CCDC141: variants seen among roughly 807,000 people sequenced by gnomAD.
The protein encoded by CCDC141 is coiled-coil domain containing 141.
Under a neutral mutation model 181.0 loss-of-function variants are expected in CCDC141, and 168 were observed. That is an observed-to-expected ratio of 0.93 (90% CI 0.82 to 1.05). The LOEUF is 1.05. Ranked by LOEUF, CCDC141 falls within the 50% of genes least tolerant of loss-of-function variation. The pLI is 0.00. For synonymous variants in CCDC141, 666 were observed against 642.3 expected (o/e 1.04, Z -0.56); for missense variants, 1,902 against 1,788.5 (o/e 1.06, Z -1.14).
Position 178,837,487 on chromosome 2 carries a change from A to C in CCDC141, c.3732T>G (p.Leu1244=). Residue 1244 remains leucine (L), a synonymous_variant, in exon 23 of 24, where the codon CTT becomes CTG. Coordinates refer to ENST00000443758, the MANE Select transcript of CCDC141 (RefSeq NM_173648.4). ...VEEPVSSSLS[L]HISSYGVQAG... is the part of the protein sequence containing the mutation. The stretch of plus-strand genomic sequence containing the variant: ...CCTGCACCCCATAGCTGCTTATGTG[A>C]AGGCTGAGGGAGGAGCTGACAGGCT... 6.2e-7 allele frequency: 1 copy of C among 1,614,014 alleles called. No individual in the cohort carries two copies.
Position 178,837,624 on chromosome 2 carries a change from C to A in CCDC141, c.3595G>T (p.Asp1199Tyr). 6.2e-7 allele frequency: 1 copy of A among 1,614,024 alleles called. No homozygotes were observed. The highest frequency in any genetic ancestry group is 8.5e-7 in the Non-Finnish European group (1 of 1,179,936). Reference sequence around the variant, plus strand: ...TCATATTCTTCCCCTGAGAGCATGTCTTCAGGCAGGAGCAGGTCCTGGACG... The same window carrying A: ...TCATATTCTTCCCCTGAGAGCATGTATTCAGGCAGGAGCAGGTCCTGGACG... ...GGVQDLLLPE[D>Y]MLSGEEYECV... The change falls in exon 23 of 24, where the codon GAC (aspartate) becomes TAC (tyrosine). Residue 1199 changes from aspartate to tyrosine, a missense_variant. Coordinates refer to ENST00000443758, the MANE Select transcript of CCDC141 (RefSeq NM_173648.4).
chr2:178,978,455 G>A, intron 3 of CCDC141, 29 bp downstream of exon 3: 1 of 1,348,348 alleles, frequency 7.4e-7, no homozygotes, highest in Non-Finnish European at 9.7e-7. Flanking sequence ...TCTGATGTGG[G>A]GAAGGGAGAA....
intron 9 of CCDC141, among the ~76,000 whole-genome samples, chr2:178,887,478 C>A (rs116278869): frequency 6.6e-6 from 1 of 152,142 alleles, no homozygotes; most frequent in African/African-American, 2.4e-5. Flanking sequence ...TTTGTCCCCT[C>A]GCTCTAACTC....
chr2:179,036,412 T>C (rs1281121959), intron 2 of CCDC141, among the ~76,000 whole-genome samples: 1 of 152,180 alleles, frequency 6.6e-6, no homozygotes, highest in Non-Finnish European at 1.5e-5. Flanking sequence ...ATGTCTCACA[T>C]CCACTTGTGA....
intron 17 of CCDC141, 84 bp from the exon 18 acceptor site, chr2:178,856,481 T>C: frequency 1.0e-6 from 1 of 959,658 alleles, no homozygotes; most frequent in Non-Finnish European, 1.5e-6. Flanking sequence ...ATCTGAACAC[T>C]TCAAAATACT....
intron 7 of CCDC141, among the ~76,000 whole-genome samples, chr2:178,917,683 A>G (rs1279831218): frequency 6.6e-6 from 1 of 152,242 alleles, no homozygotes. Flanking sequence ...TTCAAATAAG[A>G]TCACCAGCCT....
chr2:178,887,229 G>A (rs1686927894), intron 9 of CCDC141, among the ~76,000 whole-genome samples: 1 of 152,150 alleles, frequency 6.6e-6, no homozygotes, highest in South Asian at 2.1e-4. Context: ...TCTGTGAGTT[G>A]AATAGGACCC....
chr2:178,911,293 C>T (rs544603640), intron 7 of CCDC141, among the ~76,000 whole-genome samples: 13 of 152,274 alleles, frequency 8.5e-5, no homozygotes, highest in African/African-American at 2.4e-4. Context: ...GCTGTAGCCA[C>T]GTATTAACTT....
At position 179,020,163 on chromosome 2, in the gene CCDC141, A is replaced by G. The variant is rs181521406; in HGVS notation, c.225+27121T>C. 1.2e-4 allele frequency among the ~76,000 whole-genome samples: 19 copies of G among 152,268 alleles called. No homozygotes were observed. In the East Asian group the frequency reaches 3.7e-3, roughly 29 times the overall value. ...ATCCAAAAAGTTCCATAGAACGGGC[A>G]TGTGTATTTCAAATACAGGTGTGTG... On this transcript the variant is annotated intron_variant, in intron 2 of 23. Coordinates refer to ENST00000443758, the MANE Select transcript of CCDC141 (RefSeq NM_173648.4).
At chr2:178,976,264 A>G (rs997085215) in intron 3 of CCDC141, among the ~76,000 whole-genome samples, 15 of 152,186 alleles carry the variant, frequency 9.9e-5, no homozygotes, top group Admixed American at 7.2e-4. Flanking sequence ...TGGGTTTAGA[A>G]TAAACTAATT....
chr2:178,982,314 T>C (rs969682501), intron 2 of CCDC141, among the ~76,000 whole-genome samples: 4 of 151,916 alleles, frequency 2.6e-5, no homozygotes, highest in Admixed American at 1.3e-4. Flanking sequence ...TATAAAGAAA[T>C]GAACAATCTA....
chr2:178,931,113 A>G (rs1283132033), intron 6 of CCDC141, among the ~76,000 whole-genome samples: 1 of 152,210 alleles, frequency 6.6e-6, no homozygotes, highest in Non-Finnish European at 1.5e-5. Context: ...AAGAATCACA[A>G]TGAACTAGCA....
At chr2:178,834,914 G>A (rs1341995450) in intron 23 of CCDC141, among the ~76,000 whole-genome samples, 1 of 151,448 alleles carries the variant, frequency 6.6e-6, no homozygotes, top group African/African-American at 2.4e-5. Context: ...TGCTTTGACT[G>A]GCTCAGACAA....
chr2:178,946,756 T>A lies in CCDC141; in HGVS notation c.781-2105A>T, dbSNP rs574810894. ...TTTTAAACGGTATCTACTGACCTCATCTTCTAGATTTGGCATATACTATTT... is the reference window on the plus strand; with the variant it reads ...TTTTAAACGGTATCTACTGACCTCAACTTCTAGATTTGGCATATACTATTT... On this transcript the variant is annotated intron_variant, in intron 5 of 23. Transcript: ENST00000443758. 8.0e-4 allele frequency among the ~76,000 whole-genome samples: 122 copies of A among 152,294 alleles called. 1 individual carries two copies. Among genetic ancestry groups the A allele is most frequent in the African/African-American group, 2.6e-3 (109 of 41,576 alleles).
At chr2:179,015,091 TATATATATATATAATATATATATAATC>T (rs1412610947) in intron 2 of CCDC141, among the ~76,000 whole-genome samples, 1,515 of 41,978 alleles carry the variant, frequency 0.036, 149 homozygotes, top group Middle Eastern at 0.05. Flanking sequence ...TATATATATA[TATATATATATATAATATATATATAATC>T]ATATATATAT....
In CCDC141 at chr2:178,837,157, G is replaced by A. The variant is rs1489585829; in HGVS notation, c.4062C>T (p.Asn1354=). 5 of 1,613,952 alleles carry A rather than the reference G, an allele frequency of 3.1e-6. No individual in the cohort carries two copies. Among genetic ancestry groups the A allele is most frequent in the Non-Finnish European group, 4.2e-6 (5 of 1,179,958 alleles). ...GCAGCCTATCTTGGGTTTTAGTGAA[G>A]TTATTATCAGCATGCATTTTCTCCC... is the stretch of plus-strand genomic sequence containing the variant. The part of the protein sequence containing the change: ...ETREKMHADN[N]FTKTQDRLHA... Residue 1354 remains asparagine (N), a synonymous_variant, in exon 23 of 24, where the codon AAC becomes AAT. Transcript: ENST00000443758.
rs142570177 is a variant in CCDC141 at position 178,961,244 on chromosome 2, G to C, written c.766C>G (p.Gln256Glu). 1.9e-4 allele frequency: 301 copies of C among 1,550,154 alleles called. No individual in the cohort carries two copies. Among genetic ancestry groups the C allele is most frequent in the Non-Finnish European group, 2.5e-4 (290 of 1,146,712 alleles). ...SQVLQICQWD[Q>E]QENQVTCWFQ... ...CTTTGGGTTACCTGGTTTTCTTGTT[G>C]GTCCCACTGACATATCTGCAGAACT... Residue 256 changes from glutamine to glutamate, a missense_variant, in exon 5 of 24, where the codon CAA (glutamine) becomes GAA (glutamate). Physicochemically the swap from Gln to Glu is conservative, Grantham distance 29 (BLOSUM62 2). Transcript: ENST00000443758.
rs1402528193 is a variant in CCDC141, at chr2:178,872,234, G to C, written c.1978C>G (p.Arg660Gly). 14 of 1,613,798 alleles carry C rather than the reference G, an allele frequency of 8.7e-6. No individual in the cohort carries two copies. Among genetic ancestry groups the C allele is most frequent in the Non-Finnish European group, 1.1e-5 (13 of 1,179,924 alleles). Residue 660 changes from arginine to glycine, a missense_variant, in exon 13 of 24, where the codon CGG becomes GGG. By Grantham distance (125) the Arg-to-Gly change is moderately radical. Transcript: ENST00000443758. ...KNTMENQKAEREELSLLRLAW... is the reference protein window; with the variant it reads ...KNTMENQKAEGEELSLLRLAW... ...AGCCGAAGGAGGCTAAGTTCTTCCC[G>C]TTCTGCTTTCTGGTTTTCCATGGTG...
intron 2 of CCDC141, among the ~76,000 whole-genome samples, chr2:178,988,308 G>A (rs1691854228): frequency 7.4e-6 from 1 of 134,466 alleles, no homozygotes; most frequent in Non-Finnish European, 1.6e-5. Flanking sequence ...ATCAAACTCT[G>A]GGGACTGTTG....
Sources: gnomAD v4.1 joint callset for allele counts (sites outside exome capture counted in the v4.1 genomes callset) on GRCh38, gnomAD v4.1.1 for gene constraint, MANE v1.5 for transcripts, NCBI Gene and HGNC (gene_info 2026-07-23, HGNC 2026-07-21) for gene names.